The following GRID1 variants were observed in gnomAD, a reference collection of about 807,000 sequenced individuals.
GRID1 encodes the protein glutamate ionotropic receptor delta type subunit 1.
GRID1 carries 28 observed loss-of-function variants against 98.0 expected under a neutral mutation model. The ratio of observed to expected loss-of-function variants is 0.29; its 90% CI spans 0.21 to 0.39. The LOEUF (loss-of-function observed/expected upper bound fraction) is 0.39. Among genes scored for constraint, GRID1 ranks in the 10% least tolerant of loss-of-function variants. The pLI is 1.00. For synonymous variants in GRID1, 553 were observed against 538.5 expected (o/e 1.03, Z -0.37); for missense variants, 1,111 against 1,340.5 (o/e 0.83, Z 2.67).
At chr10:85,804,733 C>A (rs1003040115) in intron 8 of GRID1, among the ~76,000 whole-genome samples, 6 of 151,726 alleles carry the variant, frequency 4.0e-5, no homozygotes, top group African/African-American at 1.5e-4. Flanking sequence ...CAACAAATTA[C>A]CATAACAATC....
At chr10:85,824,250 G>C (rs1409201156) in intron 8 of GRID1, among the ~76,000 whole-genome samples, 1 of 152,070 alleles carries the variant, frequency 6.6e-6, no homozygotes, top group Non-Finnish European at 1.5e-5. Context: ...GTACGATCCG[G>C]CGAGAGACTG....
chr10:86,214,387 C>T (rs1240486772), intron 2 of GRID1, among the ~76,000 whole-genome samples: 1 of 152,192 alleles, frequency 6.6e-6, no homozygotes, highest in Middle Eastern at 3.2e-3. Context: ...GGTAGGTAAC[C>T]ATCATTCCCT....
At chr10:85,806,040 T>C (rs1842620639) in intron 8 of GRID1, among the ~76,000 whole-genome samples, 1 of 151,636 alleles carries the variant, frequency 6.6e-6, no homozygotes, top group Admixed American at 6.6e-5. Context: ...AGCTATGGTC[T>C]GGGAGAAAAT....
intron 5 of GRID1, among the ~76,000 whole-genome samples, chr10:85,876,768 A>G (rs968248858): frequency 6.6e-6 from 1 of 152,174 alleles, no homozygotes; most frequent in African/African-American, 2.4e-5. Flanking sequence ...AGGACAGTGG[A>G]TGCAGCGCAC....
chr10:85,863,214 A>G (rs562015287), intron 6 of GRID1, among the ~76,000 whole-genome samples: 1 of 152,344 alleles, frequency 6.6e-6, no homozygotes, highest in South Asian at 2.1e-4. Context: ...AGGTGCCTAC[A>G]GATTCTGTGT....
At chr10:85,844,843 A>G (rs1842991519) in intron 8 of GRID1, among the ~76,000 whole-genome samples, 1 of 152,082 alleles carries the variant, frequency 6.6e-6, no homozygotes, top group African/African-American at 2.4e-5. Context: ...CAAGAATAAA[A>G]ATTATATAAT....
In GRID1 at chr10:85,844,367, G is replaced by T. The variant is rs116517625; in HGVS notation, c.1233+10129C>A. Among the ~76,000 whole-genome samples the T allele has an allele frequency of 5.6e-3, 850 of 150,938 alleles. 7 individuals are homozygous for T. The highest frequency in any genetic ancestry group is 0.019 in the African/African-American group (796 of 41,120). Reference sequence around the variant, plus strand: ...GGTAACAAAACTATTCTGTGTGTTGGATGTGGTAGGGGATATATCAGCTCA... The same window carrying T: ...GGTAACAAAACTATTCTGTGTGTTGTATGTGGTAGGGGATATATCAGCTCA... On this transcript the variant is annotated intron_variant, in intron 8 of 15. Transcript: ENST00000327946.
At chr10:86,237,726 A>T (rs1380203116) in intron 2 of GRID1, among the ~76,000 whole-genome samples, 1 of 149,408 alleles carries the variant, frequency 6.7e-6, no homozygotes, top group Non-Finnish European at 1.5e-5. Context: ...AGCATGTAGC[A>T]CCTTCCCCTT....
Position 86,366,005 on chromosome 10 carries a change from A to T in GRID1, c.79+309T>A, listed in dbSNP as rs561521655. Among the ~76,000 whole-genome samples, 2 of 151,686 alleles carry T rather than the reference A, an allele frequency of 1.3e-5. No individual in the cohort carries two copies. The highest frequency in any genetic ancestry group is 2.0e-4 in the East Asian group (1 of 5,094). ...GCAGAAGGGCCCTCCCGACCCGCCG[A>T]CGGCCCCGCTAAGGGCGCGGGTCTC... On this transcript the variant is annotated intron_variant, in intron 1 of 15. Coordinates refer to ENST00000327946, the MANE Select transcript of GRID1 (RefSeq NM_017551.3). This position sits in a 1 kb window ranked among gnomAD's most constrained non-coding sequence, Gnocchi z 4.1.
chr10:85,782,404 T>C (rs565873071), intron 8 of GRID1, among the ~76,000 whole-genome samples: 2 of 152,336 alleles, frequency 1.3e-5, no homozygotes, highest in Admixed American at 6.5e-5. Context: ...ATTCAACAAA[T>C]GTTTATTGAG....
chr10:86,069,693 G>C (rs1377069506), intron 4 of GRID1, among the ~76,000 whole-genome samples: 1 of 152,200 alleles, frequency 6.6e-6, no homozygotes, highest in Non-Finnish European at 1.5e-5. Flanking sequence ...CCGACATCCT[G>C]AACGGCCAAG....
chr10:85,989,150 ACAGTGGCTTGGCCAGTGAGAGTT>A (rs1424359591), intron 4 of GRID1, among the ~76,000 whole-genome samples: 1 of 152,210 alleles, frequency 6.6e-6, no homozygotes, highest in African/African-American at 2.4e-5. Context: ...GGGCAGGGGA[ACAGTGGCTTGGCCAGTGAGAGTT>A]CCACAAAGGC....
At chr10:86,316,545 G>A (rs909764129) in intron 2 of GRID1, among the ~76,000 whole-genome samples, 3 of 152,250 alleles carry the variant, frequency 2.0e-5, no homozygotes, top group African/African-American at 7.2e-5. Flanking sequence ...CCCAGCCTAG[G>A]TGGAACAGCC....
chr10:85,945,511 G>A (rs1842043938), intron 4 of GRID1, among the ~76,000 whole-genome samples: 1 of 152,114 alleles, frequency 6.6e-6, no homozygotes, highest in Non-Finnish European at 1.5e-5. Context: ...GAAGTTCTTT[G>A]GGGTATTGCT....
chr10:86,230,490 C>T (rs570517539), intron 2 of GRID1, among the ~76,000 whole-genome samples: 2 of 152,186 alleles, frequency 1.3e-5, no homozygotes, highest in African/African-American at 2.4e-5. Flanking sequence ...AGAGCTCAAA[C>T]GGCTTCTCCT....
chr10:86,217,193 C>T (rs1352588160), intron 2 of GRID1, among the ~76,000 whole-genome samples: 3 of 152,264 alleles, frequency 2.0e-5, no homozygotes, highest in South Asian at 2.1e-4. Context: ...GGGTTCAAAC[C>T]CTGAGCTGTC....
intron 4 of GRID1, among the ~76,000 whole-genome samples, chr10:85,982,058 G>A (rs987231433): frequency 6.6e-6 from 1 of 152,136 alleles, no homozygotes; most frequent in African/African-American, 2.4e-5. Context: ...GCCCTGAGGT[G>A]AGCGCTTGTT....
At chr10:85,929,173 G>T (rs950736704) in intron 4 of GRID1, among the ~76,000 whole-genome samples, 1 of 152,188 alleles carries the variant, frequency 6.6e-6, no homozygotes, top group Admixed American at 6.5e-5. Flanking sequence ...GTAGGATTTT[G>T]TCTACCCCAT....
chr10:85,898,222 A>T (rs1841322150), intron 5 of GRID1, among the ~76,000 whole-genome samples: 2 of 152,196 alleles, frequency 1.3e-5, no homozygotes, highest in African/African-American at 4.8e-5. Context: ...TATAGTAAAA[A>T]TATGCTATGA....
Sources: allele counts gnomAD v4.1 joint callset (sites outside exome capture counted in the v4.1 genomes callset), GRCh38; gene constraint gnomAD v4.1.1; non-coding constraint Gnocchi (gnomAD v3.1); transcripts MANE v1.5; gene names NCBI Gene and HGNC (gene_info 2026-07-23, HGNC 2026-07-21).